DUSP8: variants seen among roughly 807,000 people sequenced by gnomAD.
The protein encoded by DUSP8 is dual specificity protein phosphatase 8.
In DUSP8, 15 loss-of-function variants were observed where a neutral mutation model predicts 38.7. The ratio of observed to expected loss-of-function variants is 0.39; its 90% confidence interval spans 0.26 to 0.60. DUSP8 has a LOEUF of 0.60. Among genes scored for constraint, DUSP8 ranks in the 20% least tolerant of loss-of-function variants. DUSP8 has a pLI of 0.56. For synonymous variants in DUSP8, 458 were observed against 433.9 expected (o/e 1.06, Z -0.69); for missense variants, 768 against 915.0 (o/e 0.84, Z 2.07).
At position 1,556,974 on chromosome 11, in the gene DUSP8, C is replaced by A. The variant is rs1198834081; in HGVS notation, c.1422G>T (p.Leu474=). 9.6e-7 allele frequency: 1 copy of A among 1,042,608 alleles called. No individual in the cohort carries two copies. Among genetic ancestry groups the A allele is most frequent in the Non-Finnish European group, 1.1e-6 (1 of 869,640 alleles). The allele number at this position is 1,042,608 out of a possible 1,614,324, so 64.6% of individuals were successfully genotyped here. Residue 474 remains leucine, a synonymous_variant, in exon 7 of 7, where the codon CTG becomes CTT. Coordinates refer to ENST00000397374, the MANE Select transcript of DUSP8 (RefSeq NM_004420.3). The surrounding 1 kb of genome is among the most constrained non-coding windows in gnomAD (Gnocchi z 5.2). ...TCTGCCGGGCCGCATCGCCGAAGTT[C>A]AGGCCGAGGCTGTGCGCGGGGGAGC... ...PARSPAHSLG[L]NFGDAARQTP...
In DUSP8 at chr11:1,557,503, C is replaced by T. The variant is rs1309784011; in HGVS notation, c.893G>A (p.Arg298His). The change falls in exon 7 of 7, where the codon CGC becomes CAC. Residue 298 changes from arginine to histidine, a missense_variant. Arg to His is a conservative substitution (Grantham distance 29). This residue lies in a region of DUSP8 where 474 missense variants were observed against 430.8 expected (regional missense o/e 1.10). Coordinates refer to ENST00000397374, the MANE Select transcript of DUSP8 (RefSeq NM_004420.3). The surrounding 1 kb of genome is among the most constrained non-coding windows in gnomAD (Gnocchi z 9.9). ...CAGGGCGGCCAGCAGCTTCAGGCTG[C>T]GCTCGTACTCCAGCAGCTGGCCCAG... Reference protein sequence around the residue: ...NFLGQLLEYERSLKLLAALQG... With the variant: ...NFLGQLLEYEHSLKLLAALQG... The T allele has an allele frequency of 1.9e-6, 3 of 1,586,648 alleles. No individual in the cohort carries two copies. The highest frequency in any genetic ancestry group is 1.1e-5 in the South Asian group (1 of 89,294).
chr11:1,557,045 G>A lies in DUSP8; in HGVS notation c.1351C>T (p.Pro451Ser). 1 of 1,128,852 alleles carries A rather than the reference G, an allele frequency of 8.9e-7. No individual in the cohort carries two copies. The highest frequency in any genetic ancestry group is 1.7e-5 in the African/African-American group (1 of 60,214). The allele number at this position is 1,128,852 out of a possible 1,614,324, so 69.9% of individuals were successfully genotyped here. Reference protein sequence around the residue: ...DSPDAAPEARPRPRRRPRPPA... With the variant: ...DSPDAAPEARSRPRRRPRPPA... ...GGCCGGGGCCGCCGGCGGGGCCGTG[G>A]GCGCGCCTCAGGCGCGGCGTCCGGG... Residue 451 changes from proline (P) to serine (S), a missense_variant, in exon 7 of 7, where the codon CCA (proline) becomes TCA (serine). Transcript: ENST00000397374. The surrounding 1 kb of genome is among the most constrained non-coding windows in gnomAD (Gnocchi z 9.9).
At chr11:1,559,980 T>C (rs1848693056) in intron 3 of DUSP8, among the ~76,000 whole-genome samples, 1 of 152,138 alleles carries the variant, frequency 6.6e-6, no homozygotes, top group Admixed American at 6.5e-5. Context: ...TCCAAGAAGA[T>C]AATGAGCACG....
At chr11:1,561,466 G>T (rs918318530) in intron 3 of DUSP8, among the ~76,000 whole-genome samples, 2 of 152,226 alleles carry the variant, frequency 1.3e-5, no homozygotes, top group Non-Finnish European at 2.9e-5. Context: ...CAGTGCAGTC[G>T]CCCGGCCAAG....
In DUSP8 at chr11:1,554,854, A is replaced by C; in HGVS notation, c.*1664T>G. The stretch of plus-strand genomic sequence containing the variant: ...AACCTCTAATCCATAGATTGCAAAT[A>C]CAACGATAGCTTATTTTCTTGGGGG... On this transcript the variant is annotated 3_prime_UTR_variant, in exon 7 of 7. Transcript: ENST00000397374. 1.3e-6 allele frequency: 1 copy of C among 786,438 alleles called. No individual in the cohort carries two copies. The highest frequency in any genetic ancestry group is 1.5e-6 in the Non-Finnish European group (1 of 647,876). 48.7% of individuals were successfully genotyped at this position (786,438 alleles called of 1,614,324 possible).
intron 1 of DUSP8, among the ~76,000 whole-genome samples, chr11:1,569,100 G>T (rs533665663): frequency 1.8e-4 from 28 of 152,266 alleles, no homozygotes; most frequent in African/African-American, 6.7e-4. Flanking sequence ...CTCCTTTCAC[G>T]GCCCCACATG....
At chr11:1,569,603 C>T (rs138282937) in intron 1 of DUSP8, among the ~76,000 whole-genome samples, 7 of 152,274 alleles carry the variant, frequency 4.6e-5, no homozygotes, top group South Asian at 2.1e-4. Context: ...CTTACAAACA[C>T]GAGCTCCCAC....
rs757699108 is a variant in DUSP8, at chr11:1,563,833, C to T, written c.370+18G>A. The T allele has an allele frequency of 7.5e-6, 11 of 1,463,970 alleles. No homozygotes were observed. The South Asian group carries it at 8.4e-5, about 11-fold the overall frequency. 90.7% of individuals were successfully genotyped at this position (1,463,970 alleles called of 1,614,324 possible). A position where few individuals can be genotyped will look rare whatever the true frequency, so the allele number is the denominator to read the frequency against. The stretch of plus-strand genomic sequence containing the variant: ...TGGCGGAGCAAGTGCCTCGGGGAGG[C>T]GTGGGTCATGGACTCACCAGTGAGG... On this transcript the variant is annotated intron_variant, in intron 3 of 6. Transcript: ENST00000397374.
rs540153626 is a variant in DUSP8, at chr11:1,558,863, C to T, written c.537+26G>A. The stretch of plus-strand genomic sequence containing the variant: ...GCTCCTGCCCCTTTCCCATTGACCA[C>T]CCCCCGAACTCCACTGCACACACAC... On this transcript the variant is annotated intron_variant, in intron 4 of 6. Transcript: ENST00000397374. The surrounding 1 kb of genome is among the most constrained non-coding windows in gnomAD (Gnocchi z 6.3). 37 of 1,576,836 alleles carry T rather than the reference C, an allele frequency of 2.3e-5. No homozygotes were observed. Among genetic ancestry groups the T allele is most frequent in the East Asian group, 2.1e-4 (9 of 43,676 alleles).
chr11:1,565,228 T>C (rs1848783919), intron 2 of DUSP8, among the ~76,000 whole-genome samples: 1 of 152,202 alleles, frequency 6.6e-6, no homozygotes, highest in Non-Finnish European at 1.5e-5. Context: ...CTGCTCCCAC[T>C]GCCATGTGGT....
intron 3 of DUSP8, among the ~76,000 whole-genome samples, chr11:1,562,871 C>T (rs1157973493): frequency 6.6e-6 from 1 of 152,182 alleles, no homozygotes; most frequent in Non-Finnish European, 1.5e-5. Context: ...CCTCAATGCT[C>T]TTGCCCAGGA....
intron 3 of DUSP8, among the ~76,000 whole-genome samples, chr11:1,559,614 C>G (rs566414563): frequency 1.5e-4 from 23 of 152,228 alleles, no homozygotes; most frequent in Non-Finnish European, 2.9e-4. Context: ...TTCCGAGAGG[C>G]CCTCCCCGTC....
chr11:1,555,371 G>C lies in DUSP8; in HGVS notation c.*1147C>G. The C allele has an allele frequency of 1.0e-6, 1 of 987,530 alleles. No individual in the cohort carries two copies. 61.2% of individuals were successfully genotyped at this position (987,530 alleles called of 1,614,324 possible). ...CCCTAAGTGAAGCAGGCCTATCCCA[G>C]CAGCACAGGGGCTTGGCTGGCGCCT... On this transcript the variant is annotated 3_prime_UTR_variant, in exon 7 of 7. Coordinates refer to ENST00000397374, the MANE Select transcript of DUSP8 (RefSeq NM_004420.3).
At chr11:1,561,298 C>G (rs1189555572) in intron 3 of DUSP8, among the ~76,000 whole-genome samples, 1 of 152,198 alleles carries the variant, frequency 6.6e-6, no homozygotes, top group East Asian at 1.9e-4. Context: ...AAATCCCAGA[C>G]TTGAAAAAAG....
Position 1,558,164 on chromosome 11 carries a change from G to A in DUSP8, c.645C>T (p.Asp215=). 1.4e-5 allele frequency: 23 copies of A among 1,611,944 alleles called. No individual in the cohort carries two copies. Among genetic ancestry groups the A allele is most frequent in the Non-Finnish European group, 1.9e-5 (23 of 1,179,836 alleles). Residue 215 remains aspartate (D), a synonymous_variant, in exon 5 of 7, where the codon GAC becomes GAT. Transcript: ENST00000397374. The surrounding 1 kb of genome is among the most constrained non-coding windows in gnomAD (Gnocchi z 6.3). ...AGGGCAGCAGTTTTTCACAGTAGTTGTCGTTGATGGGGACCCGCATGAAGC... is the reference window on the plus strand; with the variant it reads ...AGGGCAGCAGTTTTTCACAGTAGTTATCGTTGATGGGGACCCGCATGAAGC... The part of the protein sequence containing the change: ...ESRFMRVPIN[D]NYCEKLLPWL...
Position 1,557,356 on chromosome 11 carries a change from G to A in DUSP8, c.1040C>T (p.Ala347Val). The change falls in exon 7 of 7, where the codon GCC (alanine) becomes GTC (valine). Residue 347 changes from alanine (A) to valine (V), a missense_variant. Physicochemically the swap from Ala to Val is moderately conservative, Grantham distance 64 (BLOSUM62 0). This residue lies in a region of DUSP8 where 474 missense variants were observed against 430.8 expected (regional missense o/e 1.10). Coordinates refer to ENST00000397374, the MANE Select transcript of DUSP8 (RefSeq NM_004420.3). The surrounding 1 kb of genome is among the most constrained non-coding windows in gnomAD (Gnocchi z 9.9). The part of the protein sequence containing the change: ...SESAATGNAA[A>V]REGGLSAGGE... ...GCCCGCGCTCAGGCCGCCCTCCCTG[G>A]CAGCCGCATTCCCTGTGGCAGCGCT... is the stretch of plus-strand genomic sequence containing the variant. The A allele has an allele frequency of 6.4e-7, 1 of 1,554,496 alleles. No individual in the cohort carries two copies. Among genetic ancestry groups the A allele is most frequent in the South Asian group, 1.2e-5 (1 of 85,656 alleles).
upstream of DUSP8, among the ~76,000 whole-genome samples, chr11:1,572,317 A>G (rs1848918626): frequency 3.4e-5 from 5 of 146,802 alleles, no homozygotes; most frequent in South Asian, 1.1e-3. This position sits in a 1 kb window ranked among gnomAD's most constrained non-coding sequence, Gnocchi z 4.7. Flanking sequence ...GGATGAGGTC[A>G]TGCCGAGCGA....
In DUSP8 at chr11:1,556,174, G is replaced by T; in HGVS notation, c.*344C>A. The T allele has an allele frequency of 4.5e-6, 1 of 222,026 alleles. No homozygotes were observed. 13.8% of individuals were successfully genotyped at this position (222,026 alleles called of 1,614,324 possible). A position where few individuals can be genotyped will look rare whatever the true frequency, so the allele number is the denominator to read the frequency against. On this transcript the variant is annotated 3_prime_UTR_variant, in exon 7 of 7. Transcript: ENST00000397374. The surrounding 1 kb of genome is among the most constrained non-coding windows in gnomAD (Gnocchi z 5.2). Reference sequence around the variant, plus strand: ...TTCACCTTTTTGTTATGTAAAAAGTGCACGAAAGCTCGGCAGCCTTTGCAA... The same window carrying T: ...TTCACCTTTTTGTTATGTAAAAAGTTCACGAAAGCTCGGCAGCCTTTGCAA...
Position 1,563,878 on chromosome 11 carries a change from A to T in DUSP8, c.343T>A (p.Cys115Ser). The T allele has an allele frequency of 6.5e-7, 1 of 1,547,670 alleles. No homozygotes were observed. The highest frequency in any genetic ancestry group is 8.7e-7 in the Non-Finnish European group (1 of 1,145,596). ...GTGAGGATGGCCACGCTGTCGAAGC[A>T]GCCGTCCAGCTTGCTCAGCAGGATG... ...LSILLSKLDG[C>S]FDSVAILTGG... is the part of the protein sequence containing the mutation. The change falls in exon 3 of 7, where the codon TGC becomes AGC. Residue 115 changes from cysteine (C) to serine (S), a missense_variant. Cys to Ser is a moderately radical substitution (Grantham distance 112, BLOSUM62 -1). Transcript: ENST00000397374.
Sources: gnomAD v4.1 joint callset for allele counts (sites outside exome capture counted in the v4.1 genomes callset) on GRCh38, gnomAD v4.1.1 for gene constraint, gnomAD v4.1.1 regional missense constraint, Gnocchi (gnomAD v3.1) non-coding constraint, MANE v1.5 for transcripts, NCBI Gene and HGNC (gene_info 2026-07-23, HGNC 2026-07-21) for gene names.